Variants in ZDHHC5 observed in about 807,000 individuals in gnomAD.
The protein encoded by ZDHHC5 is zDHHC palmitoyltransferase 5.
ZDHHC5 carries 22 observed loss-of-function variants against 70.0 expected under a neutral mutation model. That is an observed-to-expected ratio of 0.31 (90% CI 0.22 to 0.45). The LOEUF (loss-of-function observed/expected upper bound fraction) is 0.45. Among genes scored for constraint, ZDHHC5 ranks in the 20% least tolerant of loss-of-function variants. ZDHHC5 has a pLI of 1.00. For synonymous variants in ZDHHC5, 313 were observed against 347.8 expected (o/e 0.90, Z 1.11); for missense variants, 746 against 926.9 (o/e 0.80, Z 2.53).
At chr11:57,682,337 G>T (rs1028512901) in intron 2 of ZDHHC5, 85 bp from the exon 3 acceptor site, 3 of 1,504,210 alleles carry the variant, frequency 2.0e-6, no homozygotes, top group African/African-American at 2.8e-5. Context: ...ATAGGTAAGG[G>T]GCTAAGTCTT....
intron 3 of ZDHHC5, among the ~76,000 whole-genome samples, chr11:57,685,141 G>T (rs925996638): frequency 2.0e-5 from 3 of 151,702 alleles, no homozygotes; most frequent in Non-Finnish European, 2.9e-5. Context: ...GCAAGACTCC[G>T]TCTCAAAAAG....
At chr11:57,692,029 C>T (rs1025539173) in intron 6 of ZDHHC5, among the ~76,000 whole-genome samples, 4 of 151,798 alleles carry the variant, frequency 2.6e-5, no homozygotes, top group Non-Finnish European at 4.4e-5. Flanking sequence ...CGCTTTGTCA[C>T]CCAGGCTGGA....
At chr11:57,686,410 G>C (rs894943666) in intron 3 of ZDHHC5, among the ~76,000 whole-genome samples, 2 of 152,072 alleles carry the variant, frequency 1.3e-5, no homozygotes, top group African/African-American at 4.8e-5. Flanking sequence ...CTGCCTTTCG[G>C]GTTCAAGCAA....
intron 2 of ZDHHC5, among the ~76,000 whole-genome samples, chr11:57,682,011 A>G (rs7124804): frequency 0.087 from 13,299 of 152,248 alleles, 793 homozygotes; most frequent in Non-Finnish European, 0.11. Context: ...GTGCAGGTCA[A>G]TGGGACATAG....
At position 57,683,986 on chromosome 11, in the gene ZDHHC5, T is replaced by TA. The variant is rs1368038536; in HGVS notation, c.226+1443_226+1444insA. On this transcript the variant is annotated intron_variant, in intron 3 of 11. Transcript: ENST00000287169. Reference sequence around the variant, plus strand: ...ACTAATAATTAATTTTTTTTTTTTTTTTTGAGACAGCGTCTCACTCTGTTG... The same window carrying TA: ...ACTAATAATTAATTTTTTTTTTTTTTATTTGAGACAGCGTCTCACTCTGTTG... 4.0e-5 allele frequency among the ~76,000 whole-genome samples: 6 copies of TA among 151,464 alleles called. No homozygotes were observed. The East Asian group carries it at 1.2e-3, about 30-fold the overall frequency.
At position 57,693,799 on chromosome 11, in the gene ZDHHC5, A is replaced by C; in HGVS notation, c.769A>C (p.Lys257Gln). 1.3e-6 allele frequency: 2 copies of C among 1,572,280 alleles called. No homozygotes were observed. Among genetic ancestry groups the C allele is most frequent in the Non-Finnish European group, 1.7e-6 (2 of 1,159,190 alleles). ...SPAPRYLGRP[K>Q]KEKTIVIRPP... ...GACACTTAGGTATTTGGGGAGACCA[A>C]AGAAAGAGAAGACAATTGTAATCAG... Residue 257 changes from lysine to glutamine, a missense_variant, in exon 8 of 12, where the codon AAG (lysine) becomes CAG (glutamine). Lys to Gln is a moderately conservative substitution (Grantham distance 53). Around this residue, in one of 6 missense-constraint regions of ZDHHC5, gnomAD observed 114 missense variants for 179.3 expected, o/e 0.64. Transcript: ENST00000287169.
rs1286401902 is a variant in ZDHHC5, at chr11:57,699,068, C to G, written c.1632C>G (p.Leu544=). 6.2e-7 allele frequency: 1 copy of G among 1,613,630 alleles called. No individual in the cohort carries two copies. Among genetic ancestry groups the G allele is most frequent in the Admixed American group, 1.7e-5 (1 of 60,010 alleles). The change falls in exon 11 of 12, where the codon CTC becomes CTG. Residue 544 remains leucine (L), a synonymous_variant. Transcript: ENST00000287169. The stretch of plus-strand genomic sequence containing the variant: ...TGTCGCGCCACATTGTGGCCTCTCT[C>G]CAGGAACGAGAGAAGTTGCTGCGCC... ...DNLSRHIVAS[L]QEREKLLRQS...
At chr11:57,675,345 T>C (rs1216777751) in intron 2 of ZDHHC5, among the ~76,000 whole-genome samples, 1 of 152,196 alleles carries the variant, frequency 6.6e-6, no homozygotes, top group East Asian at 1.9e-4. Context: ...TCTGGAACCA[T>C]TGAAGTGTTT....
At chr11:57,698,354 T>TTCTACG (rs1239260588) in intron 10 of ZDHHC5, among the ~76,000 whole-genome samples, 1 of 152,190 alleles carries the variant, frequency 6.6e-6, no homozygotes, top group African/African-American at 2.4e-5. Context: ...TACTCAGCCT[T>TTCTACG]TCTACGTCTT....
chr11:57,692,440 C>G (rs1294566518), intron 6 of ZDHHC5, among the ~76,000 whole-genome samples, 171 bp from the exon 7 acceptor site: 1 of 152,096 alleles, frequency 6.6e-6, no homozygotes, highest in Non-Finnish European at 1.5e-5. Context: ...AACTAAGGAC[C>G]CTGACTGTAG....
chr11:57,669,479 G>A (rs1189006794), intron 1 of ZDHHC5, among the ~76,000 whole-genome samples: 2 of 151,882 alleles, frequency 1.3e-5, no homozygotes, highest in Non-Finnish European at 2.9e-5. Flanking sequence ...TTTTTGAGAC[G>A]GAGTCTGGCT....
At chr11:57,687,439 C>T (rs1463257144) in intron 3 of ZDHHC5, among the ~76,000 whole-genome samples, 8 of 151,946 alleles carry the variant, frequency 5.3e-5, no homozygotes, top group Non-Finnish European at 7.4e-5. Context: ...GCCGAAGTGG[C>T]GTGCGCCTGT....
intron 1 of ZDHHC5, among the ~76,000 whole-genome samples, chr11:57,670,300 C>T (rs1179395878): frequency 6.6e-6 from 1 of 151,862 alleles, no homozygotes; most frequent in African/African-American, 2.4e-5. Context: ...GGTGAAACCC[C>T]ATCTCTACTA....
intron 3 of ZDHHC5, among the ~76,000 whole-genome samples, chr11:57,686,604 C>T (rs1201115526): frequency 6.6e-6 from 1 of 152,088 alleles, no homozygotes; most frequent in African/African-American, 2.4e-5. Context: ...GCATGAGCCA[C>T]TGTGCCTGAC....
intron 3 of ZDHHC5, among the ~76,000 whole-genome samples, chr11:57,686,567 C>T (rs983413169): frequency 6.6e-6 from 1 of 152,232 alleles, no homozygotes. Flanking sequence ...CCACCTGCCT[C>T]ACCCTCCCAG....
intron 2 of ZDHHC5, among the ~76,000 whole-genome samples, chr11:57,677,283 A>ATTT (rs1170220902): frequency 3.7e-4 from 30 of 81,668 alleles, no homozygotes; most frequent in East Asian, 7.1e-4. Context: ...GCTTCACGTG[A>ATTT]TTTTTTTTTT....
In ZDHHC5 at chr11:57,701,059, A is replaced by AG. The variant is rs1161897835; in HGVS notation, c.*1032dup. The AG allele has an allele frequency of 6.6e-6, 1 of 152,648 alleles. No homozygotes were observed. Among genetic ancestry groups the AG allele is most frequent in the African/African-American group, 2.4e-5 (1 of 41,456 alleles). 9.5% of individuals were successfully genotyped at this position (152,648 alleles called of 1,614,324 possible). A position where few individuals can be genotyped will look rare whatever the true frequency, so the allele number is the denominator to read the frequency against. On this transcript the variant is annotated 3_prime_UTR_variant, in exon 12 of 12. Transcript: ENST00000287169. ...CCCACCTCACTATGGTGCTGGGTAGAGGGGATACCTGGGTTCTAACCTCTA... is the reference window on the plus strand; with the variant it reads ...CCCACCTCACTATGGTGCTGGGTAGAGGGGGATACCTGGGTTCTAACCTCTA...
rs1023637861 is a variant in ZDHHC5, at chr11:57,699,554, T to C, written c.1982+136T>C. The C allele has an allele frequency of 4.6e-6, 6 of 1,307,900 alleles. No individual in the cohort carries two copies. In the Admixed American group the frequency reaches 1.0e-4, roughly 23 times the overall value. 81.0% of individuals were successfully genotyped at this position (1,307,900 alleles called of 1,614,324 possible). A position where few individuals can be genotyped will look rare whatever the true frequency, so the allele number is the denominator to read the frequency against. ...TCCTGGTAGCTCTTTATTTTCACTT[T>C]GACTCTACCTGCCTTCATGGGCAAT... On this transcript the variant is annotated intron_variant, in intron 11 of 11. Transcript: ENST00000287169.
intron 5 of ZDHHC5, 38 bp downstream of exon 5, chr11:57,690,241 G>T (rs1243283048): frequency 3.1e-6 from 5 of 1,613,260 alleles, no homozygotes; most frequent in Non-Finnish European, 4.2e-6. Context: ...GGATTGGAAG[G>T]GGGAGGAATG....
Sources: gnomAD v4.1 joint callset for allele counts (sites outside exome capture counted in the v4.1 genomes callset) on GRCh38, gnomAD v4.1.1 for gene constraint, gnomAD v4.1.1 regional missense constraint, MANE v1.5 for transcripts, NCBI Gene and HGNC (gene_info 2026-07-23, HGNC 2026-07-21) for gene names.